Variants in DLG2 observed in about 807,000 individuals in gnomAD.
The protein encoded by DLG2 is discs large MAGUK scaffold protein 2.
Under a neutral mutation model 132.5 loss-of-function variants are expected in DLG2, and 45 were observed. The ratio of observed to expected loss-of-function variants is 0.34; its 90% CI spans 0.27 to 0.44. The LOEUF (loss-of-function observed/expected upper bound fraction) is 0.44, where lower values mean the gene tolerates loss of function less well. Among genes scored for constraint, DLG2 ranks in the 20% least tolerant of loss-of-function variants. The probability of loss-of-function intolerance (pLI) is 1.00; values close to 1 mark genes in which losing one functional copy is unlikely to be tolerated. For synonymous variants in DLG2, 424 were observed against 419.6 expected, an observed-to-expected ratio of 1.01 and a Z score of -0.13; for missense variants, 1,045 against 1,196.9, an observed-to-expected ratio of 0.87 and a Z score of 1.87.
chr11:83,635,112 A>C (rs1371942660), intron 18 of DLG2, among the ~76,000 whole-genome samples: 2 of 152,186 alleles, frequency 1.3e-5, no homozygotes, highest in African/African-American at 4.8e-5. Flanking sequence ...GTGGTGACAC[A>C]CACATATAGT....
chr11:83,899,195 T>C (rs147224999), intron 15 of DLG2, among the ~76,000 whole-genome samples: 7 of 151,384 alleles, frequency 4.6e-5, no homozygotes, highest in Middle Eastern at 3.4e-3. Flanking sequence ...GCATATCCAT[T>C]AATTCCTGAG....
intron 21 of DLG2, among the ~76,000 whole-genome samples, chr11:83,516,064 A>G (rs1027293953): frequency 6.6e-6 from 1 of 152,118 alleles, no homozygotes; most frequent in Non-Finnish European, 1.5e-5. Context: ...AGCTGAGTTC[A>G]ATTCCTGGAT....
Position 85,109,453 on chromosome 11 carries a change from G to T in DLG2, c.357+2208C>A, listed in dbSNP as rs76679021. Among the ~76,000 whole-genome samples the T allele has an allele frequency of 1.9e-4, 29 of 152,138 alleles. 1 individual carries two copies. The highest frequency in any genetic ancestry group is 6.7e-4 in the African/African-American group (28 of 41,552). ...AATGTAGTTGTTTATTTGTTCCTAA[G>T]GTTCTACAATACAACTAGGACCTAA... On this transcript the variant is annotated intron_variant, in intron 6 of 27. Coordinates refer to ENST00000376104, the MANE Select transcript of DLG2 (RefSeq NM_001142699.3).
chr11:83,673,679 C>T (rs59022511), intron 18 of DLG2, among the ~76,000 whole-genome samples: 13,120 of 152,154 alleles, frequency 0.086, 712 homozygotes, highest in Middle Eastern at 0.14. Flanking sequence ...GTGTCTTGAA[C>T]ATTGTGGGAA....
intron 7 of DLG2, among the ~76,000 whole-genome samples, chr11:84,467,798 G>A (rs2099098356): frequency 6.6e-6 from 1 of 151,424 alleles, no homozygotes; most frequent in South Asian, 2.1e-4. Context: ...TATAGAAGAT[G>A]AGTATTAAAA....
intron 15 of DLG2, among the ~76,000 whole-genome samples, chr11:83,894,951 GTTGTT>G (rs2071145923): frequency 6.7e-6 from 1 of 149,914 alleles, no homozygotes; most frequent in Non-Finnish European, 1.5e-5. Context: ...TTCCATCCAT[GTTGTT>G]GCAAATGACA....
intron 18 of DLG2, chr11:83,693,672 G>A (rs2081380806): frequency 6.6e-6 from 1 of 152,216 alleles, no homozygotes; most frequent in Admixed American, 6.5e-5. Context: ...GGCAGAGACA[G>A]CTTTTAGCTC....
At position 84,244,960 on chromosome 11, in the gene DLG2, A is replaced by G. The variant is rs551520131; in HGVS notation, c.573+6278T>C. ...GAATATGTTATTTACACTCAAATAA[A>G]TTAATGTCTAAATGTACAGACCTAC... is the stretch of plus-strand genomic sequence containing the variant. On this transcript the variant is annotated intron_variant, in intron 8 of 27. Transcript: ENST00000376104. Among the ~76,000 whole-genome samples the G allele has an allele frequency of 1.3e-5, 2 of 152,352 alleles. 1 individual carries two copies. The highest frequency in any genetic ancestry group is 4.8e-5 in the African/African-American group (2 of 41,586).
chr11:83,772,254 A>G (rs962606315), intron 18 of DLG2, among the ~76,000 whole-genome samples: 1 of 151,894 alleles, frequency 6.6e-6, no homozygotes, highest in Admixed American at 6.6e-5. Flanking sequence ...CCAAAAATAG[A>G]AAAAAATTGG....
chr11:84,208,599 A>C (rs7101577), intron 8 of DLG2, among the ~76,000 whole-genome samples: 116,738 of 151,940 alleles, frequency 0.77, 47,192 homozygotes, highest in Middle Eastern at 0.92. Flanking sequence ...CCACTTGGGC[A>C]TCCCAAAGTG....
intron 10 of DLG2, among the ~76,000 whole-genome samples, chr11:84,090,140 G>A (rs866400704): frequency 2.2e-4 from 34 of 152,064 alleles, no homozygotes; most frequent in African/African-American, 6.3e-4. Context: ...CTGGCCAGGC[G>A]CGGTGGCTCA....
chr11:83,597,624 C>A (rs865988210), intron 19 of DLG2, among the ~76,000 whole-genome samples: 4,532 of 148,700 alleles, frequency 0.03, 230 homozygotes, highest in African/African-American at 0.1. Flanking sequence ...ATCTCTACCC[C>A]AAAAAAAAAA....
chr11:85,458,858 T>A (rs1357523898), intron 3 of DLG2, among the ~76,000 whole-genome samples: 1 of 152,224 alleles, frequency 6.6e-6, no homozygotes, highest in African/African-American at 2.4e-5. Flanking sequence ...ACTTGAGTGC[T>A]GACTGCAAAT....
At chr11:84,501,887 G>A in intron 7 of DLG2, among the ~76,000 whole-genome samples, 1 of 151,830 alleles carries the variant, frequency 6.6e-6, no homozygotes, top group Admixed American at 6.6e-5. Flanking sequence ...TTTTTTTTAA[G>A]CTTTAAATAT....
chr11:84,420,990 C>G (rs2098948879), intron 7 of DLG2, among the ~76,000 whole-genome samples: 1 of 152,102 alleles, frequency 6.6e-6, no homozygotes, highest in Non-Finnish European at 1.5e-5. Context: ...TTCTGTTACT[C>G]ATCCGTAGAA....
intron 8 of DLG2, among the ~76,000 whole-genome samples, chr11:84,169,085 T>C (rs1214574726): frequency 1.3e-5 from 2 of 151,780 alleles, no homozygotes; most frequent in African/African-American, 2.4e-5. Context: ...GGTAAGTTCC[T>C]TAATCTCTTA....
intron 19 of DLG2, among the ~76,000 whole-genome samples, chr11:83,549,370 C>G (rs1161183059): frequency 6.6e-6 from 1 of 152,132 alleles, no homozygotes; most frequent in Non-Finnish European, 1.5e-5. Context: ...GTGGAGTAAT[C>G]TGAGCTTCAG....
Position 83,884,571 on chromosome 11 carries a change from C to T in DLG2, c.1497-10083G>A, listed in dbSNP as rs528669940. ...CCTTTGCAGACTTAAATGTCCCTGT[C>T]GGACAGCTTTGAAGAGAGCAGTGGT... On this transcript the variant is annotated intron_variant, in intron 15 of 27. Coordinates refer to ENST00000376104, the MANE Select transcript of DLG2 (RefSeq NM_001142699.3). 3.9e-5 allele frequency among the ~76,000 whole-genome samples: 6 copies of T among 152,278 alleles called. No homozygotes were observed. The East Asian group carries it at 7.7e-4, about 20-fold the overall frequency.
intron 21 of DLG2, among the ~76,000 whole-genome samples, chr11:83,528,562 C>T (rs1252538497): frequency 6.6e-6 from 1 of 152,156 alleles, no homozygotes; most frequent in African/African-American, 2.4e-5. Flanking sequence ...TTGAAGCCTT[C>T]TCTTTTACCT....
Sources: allele counts gnomAD v4.1 joint callset (sites outside exome capture counted in the v4.1 genomes callset), GRCh38; gene constraint gnomAD v4.1.1; transcripts MANE v1.5; gene names NCBI Gene and HGNC (gene_info 2026-07-23, HGNC 2026-07-21).